The following NALF1 variants were observed in gnomAD, a reference collection of about 807,000 sequenced individuals.
The protein encoded by NALF1 is family with sequence similarity 155 member A.
In NALF1, 3 loss-of-function variants were observed where a neutral mutation model predicts 48.4. The observed-to-expected ratio is 0.06, with a 90% CI of 0.03 to 0.16. The LOEUF (loss-of-function observed/expected upper bound fraction) is 0.16. Among genes scored for constraint, NALF1 ranks in the 10% least tolerant of loss-of-function variants. NALF1 has a pLI of 1.00. For missense variants in NALF1, 526 were observed against 571.5 expected (o/e 0.92, Z 0.81); for synonymous variants, 262 against 245.7 (o/e 1.07, Z -0.62).
At chr13:107,862,550 C>T (rs143265980) in intron 1 of NALF1, among the ~76,000 whole-genome samples, 1 of 152,036 alleles carries the variant, frequency 6.6e-6, no homozygotes, top group Non-Finnish European at 1.5e-5. Flanking sequence ...GTCAACATCT[C>T]GTGTTCTTTA....
intron 1 of NALF1, among the ~76,000 whole-genome samples, chr13:107,528,708 G>A (rs1876524949): frequency 6.6e-6 from 1 of 152,112 alleles, no homozygotes; most frequent in Admixed American, 6.6e-5. Context: ...AAGGACAGTG[G>A]ATGAGACAGC....
rs186534556 is a variant in NALF1 at position 107,492,520 on chromosome 13, A to G, written c.916-281765T>C. Among the ~76,000 whole-genome samples the G allele has an allele frequency of 1.5e-3, 231 of 152,188 alleles. 3 individuals carry two copies. The highest frequency in any genetic ancestry group is 8.4e-4 in the Non-Finnish European group (57 of 68,006). On this transcript the variant is annotated intron_variant, in intron 1 of 2. Transcript: ENST00000375915. Reference sequence around the variant, plus strand: ...TTTCTCATTCTATAAACCCTCTCTCAGTTGATGGTCACCTCCTCAGAGAAG... The same window carrying G: ...TTTCTCATTCTATAAACCCTCTCTCGGTTGATGGTCACCTCCTCAGAGAAG...
intron 1 of NALF1, among the ~76,000 whole-genome samples, chr13:107,233,691 A>G (rs1332793980): frequency 6.6e-6 from 1 of 152,336 alleles, no homozygotes; most frequent in African/African-American, 2.4e-5. Context: ...CATGTTACAT[A>G]AGCAGATCCC....
At chr13:107,730,658 C>G (rs1315580364) in intron 1 of NALF1, among the ~76,000 whole-genome samples, 1 of 152,072 alleles carries the variant, frequency 6.6e-6, no homozygotes, top group Non-Finnish European at 1.5e-5. Flanking sequence ...AAGTCATTTT[C>G]TATGTACTTT....
At chr13:107,398,317 A>C (rs757558442) in intron 1 of NALF1, among the ~76,000 whole-genome samples, 1 of 152,102 alleles carries the variant, frequency 6.6e-6, no homozygotes, top group South Asian at 2.1e-4. Context: ...ATTTTCCCTT[A>C]ACCAAATAAA....
intron 1 of NALF1, among the ~76,000 whole-genome samples, chr13:107,303,316 C>T (rs1329845491): frequency 1.3e-5 from 2 of 152,060 alleles, no homozygotes; most frequent in African/African-American, 2.4e-5. Flanking sequence ...AAATAATTTA[C>T]AAGATCGAAT....
chr13:107,353,143 C>G (rs183056505), intron 1 of NALF1, among the ~76,000 whole-genome samples: 5 of 152,146 alleles, frequency 3.3e-5, no homozygotes, highest in Admixed American at 6.6e-5. Context: ...CTCATCCCCC[C>G]ACTTCCCTAC....
At chr13:107,276,510 T>C (rs763724006) in intron 1 of NALF1, among the ~76,000 whole-genome samples, 3 of 152,104 alleles carry the variant, frequency 2.0e-5, no homozygotes, top group African/African-American at 7.2e-5. Context: ...AAAAAGGTGG[T>C]TTCACACTGA....
At chr13:107,271,024 T>C (rs1393444216) in intron 1 of NALF1, among the ~76,000 whole-genome samples, 1 of 152,184 alleles carries the variant, frequency 6.6e-6, no homozygotes, top group East Asian at 1.9e-4. Flanking sequence ...ATTTAAGTAG[T>C]ATATTCTTAG....
intron 2 of NALF1, among the ~76,000 whole-genome samples, chr13:107,172,093 C>A (rs922178235): frequency 6.6e-6 from 1 of 152,166 alleles, no homozygotes; most frequent in African/African-American, 2.4e-5. Flanking sequence ...AGCACCCAAG[C>A]CTGTATCACT....
At chr13:107,420,247 C>T (rs546742288) in intron 1 of NALF1, among the ~76,000 whole-genome samples, 1 of 151,900 alleles carries the variant, frequency 6.6e-6, no homozygotes, top group South Asian at 2.1e-4. Context: ...AAAGACAAAA[C>T]AAAAAGAGGA....
chr13:107,509,473 T>C (rs1594101680), intron 1 of NALF1, among the ~76,000 whole-genome samples: 1 of 152,178 alleles, frequency 6.6e-6, no homozygotes, highest in East Asian at 1.9e-4. Flanking sequence ...ATCCAGATGT[T>C]AGAAAAATGG....
At chr13:107,276,895 A>T (rs1263133258) in intron 1 of NALF1, among the ~76,000 whole-genome samples, 3 of 152,196 alleles carry the variant, frequency 2.0e-5, no homozygotes. Flanking sequence ...TTTACTGAAG[A>T]TGTCTGATTT....
At chr13:107,481,832 T>C (rs1397727729) in intron 1 of NALF1, among the ~76,000 whole-genome samples, 1 of 152,164 alleles carries the variant, frequency 6.6e-6, no homozygotes, top group Admixed American at 6.6e-5. Flanking sequence ...TGCTCCAATA[T>C]ACTGTAGTCT....
intron 1 of NALF1, among the ~76,000 whole-genome samples, chr13:107,736,053 C>A (rs1298621764): frequency 6.6e-6 from 1 of 152,014 alleles, no homozygotes; most frequent in African/African-American, 2.4e-5. Flanking sequence ...GAGGGCTAAA[C>A]CAATAGACAT....
At chr13:107,804,669 C>T (rs1365204923) in intron 1 of NALF1, among the ~76,000 whole-genome samples, 2 of 152,198 alleles carry the variant, frequency 1.3e-5, no homozygotes, top group Non-Finnish European at 2.9e-5. Context: ...CTGTCACACT[C>T]TTCTCAGTAT....
At chr13:107,543,356 G>T (rs549791503) in intron 1 of NALF1, among the ~76,000 whole-genome samples, 28 of 152,030 alleles carry the variant, frequency 1.8e-4, no homozygotes, top group South Asian at 4.2e-4. Context: ...CACATGTCAT[G>T]AATTCAATTG....
rs959761121 is a variant in NALF1, at chr13:107,168,179, G to A, written c.*2318C>T. ...AAAGGTCAGAACAGACTCCTTCCTA[G>A]CCATTCCCTTAGAGGTCATCTGAAT... On this transcript the variant is annotated 3_prime_UTR_variant, in exon 3 of 3. Transcript: ENST00000375915. 12 of 152,168 alleles carry A rather than the reference G, an allele frequency of 7.9e-5. No individual in the cohort carries two copies. Among genetic ancestry groups the A allele is most frequent in the South Asian group, 2.1e-4 (1 of 4,830 alleles). The allele number at this position is 152,168 out of a possible 1,614,324, so 9.4% of individuals were successfully genotyped here.
At chr13:107,281,176 A>G (rs1190563811) in intron 1 of NALF1, among the ~76,000 whole-genome samples, 6 of 152,210 alleles carry the variant, frequency 3.9e-5, no homozygotes, top group Admixed American at 3.9e-4. Flanking sequence ...ATAAAAATGA[A>G]TTAGACAAAA....
Sources: allele counts gnomAD v4.1 joint callset (sites outside exome capture counted in the v4.1 genomes callset), GRCh38; gene constraint gnomAD v4.1.1; transcripts MANE v1.5; gene names NCBI Gene and HGNC (gene_info 2026-07-23, HGNC 2026-07-21).